The following MANBA variants were observed in gnomAD, a reference collection of about 807,000 sequenced individuals.
MANBA encodes beta-mannosidase.
A neutral mutation model predicts 111.1 loss-of-function variants in MANBA; 83 were observed. That is an observed-to-expected ratio of 0.75 (90% CI 0.63 to 0.90). The LOEUF is 0.90. MANBA is among the 40% of genes least tolerant of loss of function. The pLI, the probability that MANBA is intolerant of heterozygous loss-of-function variation, is 0.00. For missense variants in MANBA, 1,036 were observed against 1,069.0 expected, an observed-to-expected ratio of 0.97 and a Z score of 0.43; for synonymous variants, 370 against 378.7, an observed-to-expected ratio of 0.98 and a Z score of 0.27.
In MANBA at chr4:102,760,868, G is replaced by T. The variant is rs149830550; in HGVS notation, c.27C>A (p.Leu9=). 31 of 1,570,598 alleles carry T rather than the reference G, an allele frequency of 2.0e-5. No individual in the cohort carries two copies. The African/African-American group carries it at 3.6e-4, about 18-fold the overall frequency. The change falls in exon 1 of 17, where the codon CTC becomes CTA. Residue 9 remains leucine (L), a synonymous_variant. Coordinates refer to ENST00000647097, the MANE Select transcript of MANBA (RefSeq NM_005908.4). MRLHLLLL[L]ALCGAGTTAA... is the part of the protein sequence containing the mutation. Reference sequence around the variant, plus strand: ...CGGTGGTGCCTGCACCGCACAGCGCGAGCAGCAGGAGCAGGTGGAGGCGCA... The same window carrying T: ...CGGTGGTGCCTGCACCGCACAGCGCTAGCAGCAGGAGCAGGTGGAGGCGCA...
At chr4:102,753,663 A>T (rs1264829411) in intron 1 of MANBA, 2 of 153,516 alleles carry the variant, frequency 1.3e-5, no homozygotes, top group African/African-American at 4.8e-5. Flanking sequence ...AAGGAAAACA[A>T]AAGATTTCAA....
intron 13 of MANBA, among the ~76,000 whole-genome samples, chr4:102,650,199 C>G (rs1268903559): frequency 6.6e-6 from 1 of 152,192 alleles, no homozygotes; most frequent in Non-Finnish European, 1.5e-5. Flanking sequence ...ATACAGTGAT[C>G]TGTTTCTGGA....
At chr4:102,727,344 T>A (rs1363904235) in intron 1 of MANBA, 22 of 706,794 alleles carry the variant, frequency 3.1e-5, no homozygotes, top group Non-Finnish European at 5.3e-5. Context: ...TTTCCATTGG[T>A]CTGTATCCCA....
chr4:102,677,032 G>A (rs962833852), intron 7 of MANBA, among the ~76,000 whole-genome samples: 3 of 152,184 alleles, frequency 2.0e-5, no homozygotes, highest in Non-Finnish European at 4.4e-5. Context: ...ATTATGAAAT[G>A]AGCAATATCC....
intron 10 of MANBA, chr4:102,667,055 T>C (rs1182362105): frequency 6.6e-6 from 1 of 152,248 alleles, no homozygotes; most frequent in African/African-American, 2.4e-5. Flanking sequence ...TCCTTATCTT[T>C]ATTGAATCTC....
intron 13 of MANBA, among the ~76,000 whole-genome samples, chr4:102,642,114 T>TA (rs1002811613): frequency 2.0e-4 from 31 of 152,078 alleles, no homozygotes; most frequent in African/African-American, 7.5e-4. Context: ...CTAAACTTCT[T>TA]AAAGGGGTGT....
At chr4:102,723,110 A>C in intron 3 of MANBA, 69 bp from the exon 4 acceptor site, 1 of 1,400,348 alleles carries the variant, frequency 7.1e-7, no homozygotes, top group South Asian at 1.2e-5. Flanking sequence ...ATTTTAGATA[A>C]AGGCATTTTG....
rs1294788224 is a variant in MANBA, at chr4:102,760,903, C to T, written c.-9G>A. ...AGCAGGTGGAGGCGCATCTTGAGAT[C>T]CCGCGCCACCGAGATGTGGAGAGAT... On this transcript the variant is annotated 5_prime_UTR_variant, in exon 1 of 17. Coordinates refer to ENST00000647097, the MANE Select transcript of MANBA (RefSeq NM_005908.4). 6.5e-7 allele frequency: 1 copy of T among 1,549,418 alleles called. No homozygotes were observed. Among genetic ancestry groups the T allele is most frequent in the African/African-American group, 1.4e-5 (1 of 71,594 alleles).
intron 1 of MANBA, among the ~76,000 whole-genome samples, chr4:102,737,828 G>A (rs1578951954): frequency 6.6e-6 from 1 of 152,136 alleles, no homozygotes; most frequent in East Asian, 1.9e-4. Flanking sequence ...ACTGTATGAT[G>A]CAGCAGAGGC....
At position 102,657,799 on chromosome 4, in the gene MANBA, A is replaced by G; in HGVS notation, c.1587T>C (p.Gly529=). ...VSQNPNSNYF[G]DVHFYDYISD... is the part of the protein sequence containing the mutation. ...TGATATAGTCATAAAAATGTACATC[A>G]CCAAAATAATTGCTATTAGGGTTTT... Residue 529 remains glycine (G), a synonymous_variant, in exon 12 of 17, where the codon GGT becomes GGC. Transcript: ENST00000647097. 6.2e-7 allele frequency: 1 copy of G among 1,613,756 alleles called. No homozygotes were observed. Among genetic ancestry groups the G allele is most frequent in the South Asian group, 1.1e-5 (1 of 91,080 alleles).
At chr4:102,638,366 C>G (rs1301164804) in intron 14 of MANBA, among the ~76,000 whole-genome samples, 2 of 152,052 alleles carry the variant, frequency 1.3e-5, no homozygotes, top group Non-Finnish European at 2.9e-5. Flanking sequence ...GTGGAGGCTA[C>G]AGTGAGCCAT....
At chr4:102,753,584 A>G (rs552103426) in intron 1 of MANBA, 2 of 152,550 alleles carry the variant, frequency 1.3e-5, no homozygotes, top group African/African-American at 4.8e-5. Flanking sequence ...AATTTTAAAT[A>G]TAGGAACTAT....
At chr4:102,727,959 T>C (rs1722874175) in intron 1 of MANBA, 1 of 442,020 alleles carries the variant, frequency 2.3e-6, no homozygotes, top group African/African-American at 2.0e-5. Context: ...TTTTCTGGAA[T>C]GTACGATTGG....
Position 102,752,637 on chromosome 4 carries a change from C to T in MANBA, c.177+8081G>A. 6.9e-6 allele frequency: 4 copies of T among 579,716 alleles called. No individual in the cohort carries two copies. In the Admixed American group the frequency reaches 7.6e-5, roughly 11 times the overall value. The allele number at this position is 579,716 out of a possible 1,614,324, so 35.9% of individuals were successfully genotyped here. A position where few individuals can be genotyped will look rare whatever the true frequency, so the allele number is the denominator to read the frequency against. ...TCACCTACCACTTTCCATGTGGGGGCATGAAAGTGAATGATAAATTGATCA... is the reference window on the plus strand; with the variant it reads ...TCACCTACCACTTTCCATGTGGGGGTATGAAAGTGAATGATAAATTGATCA... On this transcript the variant is annotated intron_variant, in intron 1 of 16. Transcript: ENST00000647097.
At chr4:102,723,737 T>G (rs1722674650) in intron 3 of MANBA, 125 bp downstream of exon 3, 1 of 638,338 alleles carries the variant, frequency 1.6e-6, no homozygotes, top group South Asian at 1.9e-5. Flanking sequence ...AAGTAACTCA[T>G]CCAGTGCTTT....
intron 5 of MANBA, among the ~76,000 whole-genome samples, chr4:102,694,415 T>C (rs1402641706): frequency 2.6e-5 from 4 of 152,206 alleles, no homozygotes; most frequent in Non-Finnish European, 5.9e-5. Context: ...TGATGTTCTT[T>C]GGTCACTCCT....
chr4:102,707,173 A>T (rs1029185182), intron 5 of MANBA, among the ~76,000 whole-genome samples: 1 of 152,230 alleles, frequency 6.6e-6, no homozygotes, highest in African/African-American at 2.4e-5. Context: ...TTCTAAAATC[A>T]GCAAGAGAAA....
chr4:102,642,435 G>A (rs1407209201), intron 13 of MANBA, among the ~76,000 whole-genome samples: 7 of 152,026 alleles, frequency 4.6e-5, no homozygotes, highest in African/African-American at 9.7e-5. Context: ...GTGAAACCCC[G>A]TCTCTACTAA....
chr4:102,681,599 C>G (rs2068069920), intron 7 of MANBA: 4 of 152,162 alleles, frequency 2.6e-5, no homozygotes, highest in Admixed American at 2.6e-4. Flanking sequence ...AAATTTAAAG[C>G]ATAAAAATAA....
Sources: allele counts gnomAD v4.1 joint callset (sites outside exome capture counted in the v4.1 genomes callset), GRCh38; gene constraint gnomAD v4.1.1; transcripts MANE v1.5; gene names NCBI Gene and HGNC (gene_info 2026-07-23, HGNC 2026-07-21).